NCKAP1L: variants seen among roughly 807,000 people sequenced by gnomAD.
The protein encoded by NCKAP1L is nck-associated protein 1-like.
Under a neutral mutation model 139.2 loss-of-function variants are expected in NCKAP1L, and 53 were observed. That is an observed-to-expected ratio of 0.38 (90% confidence interval 0.31 to 0.48). The LOEUF (loss-of-function observed/expected upper bound fraction) is 0.48, where lower values mean the gene tolerates loss of function less well. Ranked by LOEUF, NCKAP1L falls within the 20% of genes least tolerant of loss-of-function variation. The probability of loss-of-function intolerance (pLI) is 0.98; values close to 1 mark genes in which losing one functional copy is unlikely to be tolerated. For missense variants in NCKAP1L, 1,151 were observed against 1,381.9 expected, an observed-to-expected ratio of 0.83 and a Z score of 2.65; for synonymous variants, 468 against 499.7, an observed-to-expected ratio of 0.94 and a Z score of 0.85.
rs141526896 is a variant in NCKAP1L, at chr12:54,532,203, C to T, written c.2815C>T (p.Pro939Ser). 8.0e-4 allele frequency: 1,286 copies of T among 1,613,126 alleles called. 7 individuals are homozygous for T. The highest frequency in any genetic ancestry group is 1.5e-3 in the Admixed American group (88 of 59,948). ...FSSHCPFLMGPIECLKEFVTP... is the reference protein window; with the variant it reads ...FSSHCPFLMGSIECLKEFVTP... ...CTCCCACTGCCCATTTCTTATGGGT[C>T]CCATTGAGTGCTTGAAGGAGTTTGT... The change falls in exon 26 of 31, where the codon CCC (proline) becomes TCC (serine). Residue 939 changes from proline (P) to serine (S), a missense_variant. Coordinates refer to ENST00000293373, the MANE Select transcript of NCKAP1L (RefSeq NM_005337.5).
At chr12:54,524,155 A>C (rs1957008752) in intron 20 of NCKAP1L, among the ~76,000 whole-genome samples, 199 bp downstream of exon 20, 1 of 152,202 alleles carries the variant, frequency 6.6e-6, no homozygotes, top group South Asian at 2.1e-4. Context: ...AAGGAACCCC[A>C]AACCTCTATA....
At position 54,541,626 on chromosome 12, in the gene NCKAP1L, G is replaced by A. The variant is rs1957158765; in HGVS notation, c.3274-949G>A. 2.6e-5 allele frequency among the ~76,000 whole-genome samples: 4 copies of A among 152,268 alleles called. No homozygotes were observed. In the South Asian group the frequency reaches 8.3e-4, roughly 32 times the overall value. ...TTGTGTGTGCATGTGTTTGAGAATA[G>A]GAAAATCTTACACATTTTAAAACTT... is the stretch of plus-strand genomic sequence containing the variant. On this transcript the variant is annotated intron_variant, in intron 30 of 30. Coordinates refer to ENST00000293373, the MANE Select transcript of NCKAP1L (RefSeq NM_005337.5).
At position 54,504,225 on chromosome 12, in the gene NCKAP1L, C is replaced by G. The variant is rs144094728; in HGVS notation, c.306+3600C>G. Among the ~76,000 whole-genome samples the G allele has an allele frequency of 6.2e-3, 948 of 152,088 alleles. 9 individuals are homozygous for G. The highest frequency in any genetic ancestry group is 0.022 in the African/African-American group (897 of 41,468). On this transcript the variant is annotated intron_variant, in intron 3 of 30. Coordinates refer to ENST00000293373, the MANE Select transcript of NCKAP1L (RefSeq NM_005337.5). ...TTCAAGAAATAATGCAAATTTTAGCCCTCTGAGCAACCCAAGCTTGTGGTG... is the reference window on the plus strand; with the variant it reads ...TTCAAGAAATAATGCAAATTTTAGCGCTCTGAGCAACCCAAGCTTGTGGTG...
At chr12:54,517,115 A>G in intron 11 of NCKAP1L, 123 bp downstream of exon 11, 2 of 766,938 alleles carry the variant, frequency 2.6e-6, no homozygotes, top group Admixed American at 4.8e-5. Flanking sequence ...TATATATGCG[A>G]TTCCCTTGAA....
chr12:54,509,484 C>T (rs1237758529), intron 5 of NCKAP1L, among the ~76,000 whole-genome samples, 185 bp from the exon 6 acceptor site: 2 of 152,094 alleles, frequency 1.3e-5, no homozygotes, highest in Admixed American at 6.5e-5. Flanking sequence ...TTCTATTTAG[C>T]CATAGCTTAG....
chr12:54,512,560 G>GAA, intron 9 of NCKAP1L: 1 of 147,292 alleles, frequency 6.8e-6, no homozygotes, highest in Non-Finnish European at 1.5e-5. Context: ...GCTTGTTAAA[G>GAA]AAAAAAAAAA....
Position 54,519,429 on chromosome 12 carries a change from A to ATTTTT in NCKAP1L, c.1625+114_1625+118dup, listed in dbSNP as rs10686138. The stretch of plus-strand genomic sequence containing the variant: ...CACTTACTTCAAAGAATTTTGTTTA[A>ATTTTT]TTTTTTTTTTTTTTTTTTTTTAAAG... On this transcript the variant is annotated intron_variant, in intron 16 of 30. Transcript: ENST00000293373. 3.3e-3 allele frequency: 1,672 copies of ATTTTT among 500,864 alleles called. 16 individuals are homozygous for ATTTTT. In the East Asian group the frequency reaches 0.039, roughly 12 times the overall value. The allele number at this position is 500,864 out of a possible 1,614,324, so 31.0% of individuals were successfully genotyped here.
At chr12:54,519,786 GC>G (rs1440586020) in intron 16 of NCKAP1L, among the ~76,000 whole-genome samples, 1 of 151,796 alleles carries the variant, frequency 6.6e-6, no homozygotes, top group Non-Finnish European at 1.5e-5. Context: ...TTTGTGGAAA[GC>G]CATTTGGATT....
At chr12:54,524,228 C>T (rs149171014) in intron 20 of NCKAP1L, among the ~76,000 whole-genome samples, 420 of 152,324 alleles carry the variant, frequency 2.8e-3, no homozygotes, top group Non-Finnish European at 4.9e-3. Context: ...AAGGCCTTTG[C>T]AGTGAGCAGA....
At chr12:54,540,468 T>G (rs1457569261) in intron 30 of NCKAP1L, among the ~76,000 whole-genome samples, 1 of 152,050 alleles carries the variant, frequency 6.6e-6, no homozygotes, top group East Asian at 1.9e-4. Flanking sequence ...GTGGGCTATG[T>G]GGGGGCACAA....
At chr12:54,514,579 T>C (rs945435020) in intron 9 of NCKAP1L, among the ~76,000 whole-genome samples, 1 of 152,184 alleles carries the variant, frequency 6.6e-6, no homozygotes, top group African/African-American at 2.4e-5. Context: ...CACCTCGGCC[T>C]CCCAAAGTGC....
intron 9 of NCKAP1L, among the ~76,000 whole-genome samples, chr12:54,512,804 T>TTGTGTG (rs146581573): frequency 6.9e-6 from 1 of 145,290 alleles, no homozygotes; most frequent in African/African-American, 2.6e-5. Context: ...GTGTGAGTAA[T>TTGTGTG]TGTGTGTGTG....
At chr12:54,532,832 A>G (rs1212345413) in intron 26 of NCKAP1L, among the ~76,000 whole-genome samples, 1 of 152,144 alleles carries the variant, frequency 6.6e-6, no homozygotes, top group Non-Finnish European at 1.5e-5. Context: ...CCCACCTTTG[A>G]GTCATCTTGT....
chr12:54,514,277 A>T (rs930864476), intron 9 of NCKAP1L, among the ~76,000 whole-genome samples: 2 of 152,018 alleles, frequency 1.3e-5, no homozygotes, highest in African/African-American at 4.8e-5. Flanking sequence ...GCTGTAATGA[A>T]CATTCTTAGG....
intron 1 of NCKAP1L, among the ~76,000 whole-genome samples, chr12:54,498,278 T>C (rs1227171698): frequency 1.3e-5 from 2 of 152,108 alleles, no homozygotes; most frequent in Non-Finnish European, 2.9e-5. Context: ...GCTGGGTCTC[T>C]GGCAAAAACT....
intron 16 of NCKAP1L, 119 bp from the exon 17 acceptor site, chr12:54,520,575 T>C: frequency 1.0e-6 from 1 of 975,942 alleles, no homozygotes; most frequent in South Asian, 1.4e-5. Context: ...AGAATGAATA[T>C]CCTCTCCGCC....
In NCKAP1L at chr12:54,509,670, G is replaced by A. The variant is rs1210551117; in HGVS notation, c.508G>A (p.Asp170Asn). 1 of 1,612,312 alleles carries A rather than the reference G, an allele frequency of 6.2e-7. No homozygotes were observed. Among genetic ancestry groups the A allele is most frequent in the Non-Finnish European group, 8.5e-7 (1 of 1,178,374 alleles). The change falls in exon 6 of 31, where the codon GAC becomes AAC. Residue 170 changes from aspartate to asparagine, a missense_variant and splice_region_variant. Physicochemically the swap from Asp to Asn is conservative, Grantham distance 23. Coordinates refer to ENST00000293373, the MANE Select transcript of NCKAP1L (RefSeq NM_005337.5). ...CCCCTCTCCTCTGCTTTCTTCTAGT[G>A]ACCCCAGTTTTGCCCGTCTGGGTCA... ...CAHEMLHGHGDPSFARLGQMV... is the reference protein window; with the variant it reads ...CAHEMLHGHGNPSFARLGQMV...
At chr12:54,515,418 C>A (rs1355869250) in intron 9 of NCKAP1L, among the ~76,000 whole-genome samples, 1 of 152,010 alleles carries the variant, frequency 6.6e-6, no homozygotes, top group East Asian at 1.9e-4. Flanking sequence ...GCATGGGTCA[C>A]TAGTAGAAAA....
intron 28 of NCKAP1L, 152 bp from the exon 29 acceptor site, chr12:54,536,792 C>A: frequency 1.7e-6 from 1 of 581,568 alleles, no homozygotes; most frequent in South Asian, 2.1e-5. Context: ...GAATATCCTG[C>A]CTCTAATCTC....
Sources: allele counts gnomAD v4.1 joint callset (sites outside exome capture counted in the v4.1 genomes callset), GRCh38; gene constraint gnomAD v4.1.1; transcripts MANE v1.5; gene names NCBI Gene and HGNC (gene_info 2026-07-23, HGNC 2026-07-21).